The following PPP2R5C variants were observed in gnomAD, a reference collection of about 807,000 sequenced individuals.
PPP2R5C encodes the protein protein phosphatase 2 regulatory subunit B'gamma, also known as serine/threonine-protein phosphatase 2A 56 kDa regulatory subunit gamma isoform.
PPP2R5C carries 7 observed loss-of-function variants against 68.9 expected under a neutral mutation model. The ratio of observed to expected loss-of-function variants is 0.10; its 90% CI spans 0.06 to 0.19. PPP2R5C has a LOEUF of 0.19. PPP2R5C is among the 10% of genes least tolerant of loss of function. The pLI is 1.00. For missense variants in PPP2R5C, 348 were observed against 641.3 expected, an observed-to-expected ratio of 0.54 and a Z score of 4.94; for synonymous variants, 210 against 222.2, an observed-to-expected ratio of 0.95 and a Z score of 0.49.
chr14:101,827,529 C>T (rs991403773), intron 1 of PPP2R5C, among the ~76,000 whole-genome samples: 2 of 152,200 alleles, frequency 1.3e-5, no homozygotes, highest in Admixed American at 6.5e-5. Context: ...CTGCTGCCAT[C>T]TGCACTGGGC....
chr14:101,832,929 A>C (rs1003437478), intron 1 of PPP2R5C, among the ~76,000 whole-genome samples: 3 of 152,202 alleles, frequency 2.0e-5, no homozygotes, highest in African/African-American at 7.2e-5. Context: ...GCTGTTCTTC[A>C]TTTGGAAAAT....
intron 3 of PPP2R5C, among the ~76,000 whole-genome samples, chr14:101,803,800 G>C (rs1177472335): frequency 6.6e-6 from 1 of 151,982 alleles, no homozygotes; most frequent in Non-Finnish European, 1.5e-5. Context: ...AAATCTGCAG[G>C]ACATTGGTCT....
chr14:101,776,807 G>A (rs1356041027), intron 2 of PPP2R5C, among the ~76,000 whole-genome samples: 1 of 151,950 alleles, frequency 6.6e-6, no homozygotes, highest in Non-Finnish European at 1.5e-5. Flanking sequence ...TTGTCCTTCT[G>A]TGTCTGGCTT....
At chr14:101,831,680 A>AT (rs750868705) in intron 1 of PPP2R5C, 6 of 688,194 alleles carry the variant, frequency 8.7e-6, no homozygotes, top group African/African-American at 3.5e-5. Flanking sequence ...TTATATGTGG[A>AT]TTTTTTTCAA....
At position 101,797,944 on chromosome 14, in the gene PPP2R5C, C is replaced by T. The variant is rs1441697683; in HGVS notation, c.259+11761C>T. Among the ~76,000 whole-genome samples, 1 of 152,112 alleles carries T rather than the reference C, an allele frequency of 6.6e-6. No individual in the cohort carries two copies. Among genetic ancestry groups the T allele is most frequent in the African/African-American group, 2.4e-5 (1 of 41,418 alleles). Reference sequence around the variant, plus strand: ...ATCCTCTTTAATCACTCCCAGGCCTCGCTCACACAGCAACAAGTGCCTGTC... The same window carrying T: ...ATCCTCTTTAATCACTCCCAGGCCTTGCTCACACAGCAACAAGTGCCTGTC... On this transcript the variant is annotated intron_variant, in intron 3 of 14. Transcript: ENST00000328724. This position sits in a 1 kb window ranked among gnomAD's most constrained non-coding sequence, Gnocchi z 4.2.
chr14:101,819,097 G>C (rs1288575692), intron 1 of PPP2R5C: 1 of 1,527,812 alleles, frequency 6.5e-7, no homozygotes, highest in African/African-American at 1.4e-5. Flanking sequence ...TGGGTGGTGA[G>C]GGTGTCTGTA....
At chr14:101,791,738 A>G (rs1283900587) in intron 3 of PPP2R5C, among the ~76,000 whole-genome samples, 1 of 152,050 alleles carries the variant, frequency 6.6e-6, no homozygotes, top group Non-Finnish European at 1.5e-5. Flanking sequence ...ATTCTCTTGA[A>G]CATACCATCA....
At chr14:101,919,980 A>ACAAAAAAAAAC (rs1422138264) in intron 13 of PPP2R5C, among the ~76,000 whole-genome samples, 1 of 114,144 alleles carries the variant, frequency 8.8e-6, no homozygotes, top group African/African-American at 4.5e-5. Flanking sequence ...AAAAAAAAAA[A>ACAAAAAAAAAC]AAAAAAAAAA....
chr14:101,818,669 A>C (rs904228317), intron 1 of PPP2R5C: 1 of 205,722 alleles, frequency 4.9e-6, no homozygotes, highest in East Asian at 1.2e-4. Context: ...ATCTGTGGTT[A>C]ATCTCAAATA....
chr14:101,812,816 G>T (rs2039445345), intron 1 of PPP2R5C, among the ~76,000 whole-genome samples: 1 of 152,194 alleles, frequency 6.6e-6, no homozygotes, highest in Admixed American at 6.5e-5. Flanking sequence ...CATCAGGGTG[G>T]GGACCAAGTA....
chr14:101,802,062 A>C (rs1207506763), intron 3 of PPP2R5C, among the ~76,000 whole-genome samples: 1 of 152,232 alleles, frequency 6.6e-6, no homozygotes, highest in Non-Finnish European at 1.5e-5. Context: ...TCAATGGGGA[A>C]AACACAGTCT....
chr14:101,885,584 T>C (rs112511131), intron 5 of PPP2R5C, among the ~76,000 whole-genome samples: 355 of 152,344 alleles, frequency 2.3e-3, no homozygotes, highest in Non-Finnish European at 2.9e-3. Context: ...CCTGCACACC[T>C]GATAGGGCAT....
rs974627800 is a variant in PPP2R5C, at chr14:101,925,054, G to C, written c.1444-87G>C. The stretch of plus-strand genomic sequence containing the variant: ...AGTGGGTGAGGCACACGTGCCTCGC[G>C]GTTATCCTTTGACTTCCACCTCAGA... On this transcript the variant is annotated intron_variant, in intron 13 of 13. Transcript: ENST00000334743. 2.8e-5 allele frequency: 42 copies of C among 1,491,760 alleles called. No individual in the cohort carries two copies. In the Middle Eastern group the frequency reaches 1.2e-3, roughly 43 times the overall value. The allele number at this position is 1,491,760 out of a possible 1,614,324, so 92.4% of individuals were successfully genotyped here.
chr14:101,885,680 C>T (rs937240617), intron 5 of PPP2R5C, among the ~76,000 whole-genome samples: 16 of 152,216 alleles, frequency 1.1e-4, no homozygotes, highest in African/African-American at 2.7e-4. Flanking sequence ...AAATGGAGCC[C>T]GGTGCTGGAC....
At chr14:101,856,550 CT>C (rs1420190772) in intron 1 of PPP2R5C, 135 bp from the exon 4 acceptor site, 8 of 795,828 alleles carry the variant, frequency 1.0e-5, no homozygotes, top group Non-Finnish European at 1.6e-5. Context: ...AAGGAATAGC[CT>C]TTGTTTACCC....
At chr14:101,884,069 C>A (rs750154731) in intron 5 of PPP2R5C, among the ~76,000 whole-genome samples, 1 of 152,212 alleles carries the variant, frequency 6.6e-6, no homozygotes, top group Non-Finnish European at 1.5e-5. Flanking sequence ...AGCCTTCAGT[C>A]TGTGGCGGAA....
intron 8 of PPP2R5C, among the ~76,000 whole-genome samples, 182 bp from the exon 11 acceptor site, chr14:101,901,537 A>G (rs185090731): frequency 1.3e-5 from 2 of 152,356 alleles, no homozygotes; most frequent in East Asian, 1.9e-4. Flanking sequence ...AGACAGACCT[A>G]CTTCTCAAAT....
At chr14:101,830,594 A>C (rs1276250913) in intron 1 of PPP2R5C, among the ~76,000 whole-genome samples, 1 of 152,182 alleles carries the variant, frequency 6.6e-6, no homozygotes, top group Non-Finnish European at 1.5e-5. Flanking sequence ...CTCTGCTCTA[A>C]ACACTCATCC....
upstream of PPP2R5C, among the ~76,000 whole-genome samples, chr14:101,806,128 C>T (rs936994941): frequency 6.6e-6 from 1 of 151,986 alleles, no homozygotes; most frequent in African/African-American, 2.4e-5. Context: ...TTCTGGGATA[C>T]ATGTGTAGAA....
Sources: allele counts gnomAD v4.1 joint callset (sites outside exome capture counted in the v4.1 genomes callset), GRCh38; gene constraint gnomAD v4.1.1; non-coding constraint Gnocchi (gnomAD v3.1); transcripts MANE v1.5; gene names NCBI Gene and HGNC (gene_info 2026-07-23, HGNC 2026-07-21).